Variants in VPS51 observed in about 807,000 individuals in gnomAD.
VPS51 encodes the protein vacuolar protein sorting-associated protein 51 homolog.
VPS51 carries 55 observed loss-of-function variants against 65.1 expected under a neutral mutation model. The observed-to-expected ratio is 0.84, with a 90% CI of 0.68 to 1.06. The LOEUF (loss-of-function observed/expected upper bound fraction) is 1.06. Among genes scored for constraint, VPS51 ranks in the 50% least tolerant of loss-of-function variants. The pLI is 0.00. For synonymous variants in VPS51, 473 were observed against 489.5 expected (o/e 0.97, Z 0.44); for missense variants, 943 against 1,101.6 (o/e 0.86, Z 2.04).
At position 65,107,219 on chromosome 11, in the gene VPS51, G is replaced by A; in HGVS notation, c.359-362G>A. The A allele has an allele frequency of 2.0e-6, 1 of 496,172 alleles. No homozygotes were observed. The allele number at this position is 496,172 out of a possible 1,614,324, so 30.7% of individuals were successfully genotyped here. A position where few individuals can be genotyped will look rare whatever the true frequency, so the allele number is the denominator to read the frequency against. ...GCTGGACACGCAGATGCGCTTGGGA[G>A]CCAGCGGTCCCTGCCTTGGCTGCTT... On this transcript the variant is annotated intron_variant, in intron 2 of 9. Coordinates refer to ENST00000279281, the MANE Select transcript of VPS51 (RefSeq NM_013265.4). The surrounding 1 kb of genome is among the most constrained non-coding windows in gnomAD (Gnocchi z 4.0).
Position 65,097,123 on chromosome 11 carries a change from C to A in VPS51, c.354C>A (p.Ala118=), listed in dbSNP as rs11548901. Reference sequence around the variant, plus strand: ...AGAACTACAACAAGTTCATCTCAGCCACAGGTGATCCCCACGGGGACACAC... The same window carrying A: ...AGAACTACAACAAGTTCATCTCAGCAACAGGTGATCCCCACGGGGACACAC... ...VYENYNKFIS[A]TDTIRKMKND... is the part of the protein sequence containing the mutation. The change falls in exon 2 of 10, where the codon GCC becomes GCA. Residue 118 remains alanine, a synonymous_variant. Transcript: ENST00000279281. 4 of 1,613,764 alleles carry A rather than the reference C, an allele frequency of 2.5e-6. No homozygotes were observed. In the African/African-American group the frequency reaches 4.0e-5, roughly 16 times the overall value.
At chr11:65,100,089 C>T (rs570029606) in intron 2 of VPS51, among the ~76,000 whole-genome samples, 1 of 151,924 alleles carries the variant, frequency 6.6e-6, no homozygotes, top group Admixed American at 6.6e-5. Context: ...GGCAACAGAG[C>T]GAGACTCCGT....
Position 65,096,979 on chromosome 11 carries a change from A to G in VPS51, c.229-19A>G, listed in dbSNP as rs535199706. The stretch of plus-strand genomic sequence containing the variant: ...ATGAATGCCTCCTGACCCGAACACT[A>G]ACCACCCAACTTCTTCAGCTGCGTA... On this transcript the variant is annotated intron_variant, in intron 1 of 9. Transcript: ENST00000279281. The G allele has an allele frequency of 6.2e-7, 1 of 1,612,570 alleles. No homozygotes were observed. Among genetic ancestry groups the G allele is most frequent in the East Asian group, 2.2e-5 (1 of 44,886 alleles).
At position 65,110,497 on chromosome 11, in the gene VPS51, G is replaced by A. The variant is rs1947887145; in HGVS notation, c.1894G>A (p.Glu632Lys). ...TTACCACCAGGTGGGGCTCCTGTACGAAGAGGGTGTTCGCAAGGCCCAGAG... is the reference window on the plus strand; with the variant it reads ...TTACCACCAGGTGGGGCTCCTGTACAAAGAGGGTGTTCGCAAGGCCCAGAG... Reference protein sequence around the residue: ...AIDVQVGLLYEEGVRKAQSSD... With the variant: ...AIDVQVGLLYKEGVRKAQSSD... Residue 632 changes from glutamate (E) to lysine (K), a missense_variant, in exon 8 of 10, where the codon GAA becomes AAA. Physicochemically the swap from Glu to Lys is moderately conservative, Grantham distance 56. Around this residue, in one of 2 missense-constraint regions of VPS51, gnomAD observed 855 missense variants for 953.7 expected, o/e 0.90. Transcript: ENST00000279281. 1 of 1,613,788 alleles carries A rather than the reference G, an allele frequency of 6.2e-7. No homozygotes were observed. The highest frequency in any genetic ancestry group is 1.3e-5 in the African/African-American group (1 of 74,900).
chr11:65,096,662 A>T, intron 1 of VPS51, 184 bp downstream of exon 1: 2 of 642,470 alleles, frequency 3.1e-6, no homozygotes, highest in Non-Finnish European at 2.7e-6. Flanking sequence ...TGTGAGTAGG[A>T]CTGGACTGGC....
intron 9 of VPS51, 187 bp downstream of exon 9, chr11:65,110,968 T>A: frequency 1.4e-6 from 1 of 709,100 alleles, no homozygotes; most frequent in South Asian, 1.8e-5. Flanking sequence ...CCACAGCCCT[T>A]GTCCCAGTCT....
chr11:65,096,663 C>G (rs1029679503), intron 1 of VPS51, 185 bp downstream of exon 1: 21 of 637,306 alleles, frequency 3.3e-5, no homozygotes, highest in Non-Finnish European at 5.1e-5. Flanking sequence ...GTGAGTAGGA[C>G]TGGACTGGCC....
rs775401381 is a variant in VPS51, at chr11:65,109,758, G to A, written c.1713G>A (p.Thr571=). 28 of 1,597,354 alleles carry A rather than the reference G, an allele frequency of 1.8e-5. No homozygotes were observed. The East Asian group carries it at 5.2e-4, about 30-fold the overall frequency. ...VSTLCAEARE[T]ARRLLTHYVK... The stretch of plus-strand genomic sequence containing the variant: ...CGCTGTGTGCAGAGGCCAGGGAAAC[G>A]GCGCGGCGGCTGCTGACCCACTACG... Residue 571 remains threonine, a synonymous_variant, in exon 7 of 10, where the codon ACG becomes ACA. Coordinates refer to ENST00000279281, the MANE Select transcript of VPS51 (RefSeq NM_013265.4).
chr11:65,098,963 G>A (rs937812110), intron 2 of VPS51, among the ~76,000 whole-genome samples: 21 of 152,126 alleles, frequency 1.4e-4, no homozygotes, highest in African/African-American at 4.8e-4. Context: ...TGAGGTGGGT[G>A]GATCACTTGA....
chr11:65,111,575 C>A lies in VPS51; in HGVS notation c.2337C>A (p.Cys779Ter). ...PMEPSVVEVICERG is the reference protein window; with the variant it reads ...PMEPSVVEVI ...AGCCCAGTGTGGTTGAGGTCATCTG[C>A]GAGCGCGGCTAGGCGCAGCCGCTGC... Residue 779 changes from cysteine (C) to a stop codon, truncating the protein, a stop_gained, in exon 10 of 10, where the codon TGC becomes TGA. Transcript: ENST00000279281. LOFTEE classifies it high-confidence loss of function. The A allele has an allele frequency of 1.2e-6, 2 of 1,606,910 alleles. No individual in the cohort carries two copies. Among genetic ancestry groups the A allele is most frequent in the Non-Finnish European group, 1.7e-6 (2 of 1,179,376 alleles).
In VPS51 at chr11:65,111,754, T is replaced by C. The variant is rs1947905985; in HGVS notation, c.*167T>C. The C allele has an allele frequency of 1.7e-6, 2 of 1,197,610 alleles. No individual in the cohort carries two copies. Among genetic ancestry groups the C allele is most frequent in the Non-Finnish European group, 1.1e-6 (1 of 882,978 alleles). The allele number at this position is 1,197,610 out of a possible 1,614,324, so 74.2% of individuals were successfully genotyped here. A position where few individuals can be genotyped will look rare whatever the true frequency, so the allele number is the denominator to read the frequency against. ...CTTTCCGGGGGCGGGGTTTTGAAGCTGAGGCTTCTGAGGCGCCCGCGTCGG... is the reference window on the plus strand; with the variant it reads ...CTTTCCGGGGGCGGGGTTTTGAAGCCGAGGCTTCTGAGGCGCCCGCGTCGG... On this transcript the variant is annotated 3_prime_UTR_variant, in exon 10 of 10. Transcript: ENST00000279281.
chr11:65,102,762 C>T (rs888889490), intron 2 of VPS51, among the ~76,000 whole-genome samples: 1 of 152,196 alleles, frequency 6.6e-6, no homozygotes, highest in African/African-American at 2.4e-5. Flanking sequence ...CTTTACGAAC[C>T]TCAGCCTCGG....
intron 1 of VPS51, chr11:65,096,791 T>G (rs1590808782): frequency 1.3e-6 from 1 of 771,664 alleles, no homozygotes; most frequent in East Asian, 2.7e-5. Context: ...GGATTTCAAA[T>G]GCTGACAAAC....
In VPS51 at chr11:65,111,706, C is replaced by T. The variant is rs556573139; in HGVS notation, c.*119C>T. The T allele has an allele frequency of 1.4e-4, 197 of 1,398,494 alleles. 1 individual carries two copies. The African/African-American group carries it at 2.7e-3, about 19-fold the overall frequency. 86.6% of individuals were successfully genotyped at this position (1,398,494 alleles called of 1,614,324 possible). A position where few individuals can be genotyped will look rare whatever the true frequency, so the allele number is the denominator to read the frequency against. ...CGGCCTAATAAACATGTGTGGCCTC[C>T]TCCTCTCGCTTGCTGGGCGGGCCTT... On this transcript the variant is annotated 3_prime_UTR_variant, in exon 10 of 10. Coordinates refer to ENST00000279281, the MANE Select transcript of VPS51 (RefSeq NM_013265.4).
Position 65,108,005 on chromosome 11 carries a change from G to C in VPS51, c.708G>C (p.Gln236His), listed in dbSNP as rs1451808299. ...CQVITARLAQ[Q>H]LRQRFREGGS... ...TCATCACGGCCCGCCTGGCCCAGCA[G>C]CTGCGGCAGCGCTTTAGGTGTGGCC... is the stretch of plus-strand genomic sequence containing the variant. The change falls in exon 4 of 10, where the codon CAG becomes CAC. Residue 236 changes from glutamine to histidine, a missense_variant. Gln to His is a conservative substitution (Grantham distance 24). Transcript: ENST00000279281. 6.5e-7 allele frequency: 1 copy of C among 1,534,660 alleles called. No homozygotes were observed. Among genetic ancestry groups the C allele is most frequent in the African/African-American group, 1.4e-5 (1 of 73,066 alleles).
Position 65,096,257 on chromosome 11 carries a change from G to A in VPS51, c.7G>A (p.Ala3Thr). The change falls in exon 1 of 10, where the codon GCG becomes ACG. Residue 3 changes from alanine to threonine, a missense_variant. Ala to Thr is a moderately conservative substitution (Grantham distance 58). This residue lies in a region of VPS51 where 855 missense variants were observed against 953.7 expected (regional missense o/e 0.90). Coordinates refer to ENST00000279281, the MANE Select transcript of VPS51 (RefSeq NM_013265.4). MA[A>T]AAAAGPSPGS... ...GTGGGCTGCAGTTGGAACGATGGCG[G>A]CGGCAGCTGCCGCCGGGCCTAGCCC... 6.6e-7 allele frequency: 1 copy of A among 1,522,660 alleles called. No individual in the cohort carries two copies. 94.3% of individuals were successfully genotyped at this position (1,522,660 alleles called of 1,614,324 possible). A position where few individuals can be genotyped will look rare whatever the true frequency, so the allele number is the denominator to read the frequency against.
At chr11:65,110,098 G>A in intron 7 of VPS51, 175 bp downstream of exon 7, 1 of 726,680 alleles carries the variant, frequency 1.4e-6, no homozygotes, top group Non-Finnish European at 2.2e-6. Flanking sequence ...GGAACCCCAG[G>A]GGAACAAGTC....
intron 7 of VPS51, 28 bp downstream of exon 7, chr11:65,109,951 C>T (rs773554188): frequency 7.7e-6 from 12 of 1,556,644 alleles, no homozygotes; most frequent in Non-Finnish European, 4.3e-6. Flanking sequence ...CGGGGTAGCC[C>T]TGACGCAGGC....
At position 65,107,401 on chromosome 11, in the gene VPS51, A is replaced by C. The variant is rs544206768; in HGVS notation, c.359-180A>C. ...AGTAACGCCTGCTTTGGGAACATAA[A>C]CCCCCTCCCCCGCCCCCATGTGCGC... is the stretch of plus-strand genomic sequence containing the variant. On this transcript the variant is annotated intron_variant, in intron 2 of 9. Transcript: ENST00000279281. The surrounding 1 kb of genome is among the most constrained non-coding windows in gnomAD (Gnocchi z 4.0). 71 of 704,088 alleles carry C rather than the reference A, an allele frequency of 1.0e-4. 1 individual carries two copies. In the South Asian group the frequency reaches 1.2e-3, roughly 12 times the overall value. 43.6% of individuals were successfully genotyped at this position (704,088 alleles called of 1,614,324 possible).
Sources: gnomAD v4.1 joint callset for allele counts (sites outside exome capture counted in the v4.1 genomes callset) on GRCh38, gnomAD v4.1.1 for gene constraint, gnomAD v4.1.1 regional missense constraint, Gnocchi (gnomAD v3.1) non-coding constraint, MANE v1.5 for transcripts, NCBI Gene and HGNC (gene_info 2026-07-23, HGNC 2026-07-21) for gene names.